Variants in NLGN1 observed in about 807,000 individuals in gnomAD.
NLGN1 encodes the protein neuroligin-1.
In NLGN1, 12 loss-of-function variants were observed where a neutral mutation model predicts 65.5. That is an observed-to-expected ratio of 0.18 (90% CI 0.12 to 0.30). The LOEUF (loss-of-function observed/expected upper bound fraction) is 0.30. NLGN1 is among the 10% of genes least tolerant of loss of function. The pLI is 1.00. For synonymous variants in NLGN1, 350 were observed against 359.5 expected (o/e 0.97, Z 0.30); for missense variants, 750 against 1,007.1 (o/e 0.74, Z 3.46).
chr3:174,131,523 TG>T, intron 4 of NLGN1, among the ~76,000 whole-genome samples: 1 of 152,266 alleles, frequency 6.6e-6, no homozygotes, highest in Non-Finnish European at 1.5e-5. Context: ...GTTTGGAAAA[TG>T]AACCTTATAA....
At chr3:173,441,224 A>G (rs1206059396) in intron 2 of NLGN1, among the ~76,000 whole-genome samples, 1 of 152,140 alleles carries the variant, frequency 6.6e-6, no homozygotes, top group Non-Finnish European at 1.5e-5. Context: ...TATCCAGACT[A>G]CTAAAACTTT....
intron 4 of NLGN1, among the ~76,000 whole-genome samples, chr3:174,042,483 A>C (rs964299405): frequency 2.2e-4 from 34 of 152,092 alleles, no homozygotes; most frequent in African/African-American, 7.7e-4. Context: ...TCTCTATTGC[A>C]TTGCTTTGCC....
chr3:173,938,487 T>G (rs1406917683), intron 4 of NLGN1, among the ~76,000 whole-genome samples: 1 of 152,122 alleles, frequency 6.6e-6, no homozygotes. Flanking sequence ...CCAATAAATG[T>G]ATATTTGTTG....
chr3:173,747,664 G>A (rs1560288907), intron 3 of NLGN1, among the ~76,000 whole-genome samples: 2 of 150,926 alleles, frequency 1.3e-5, no homozygotes, highest in African/African-American at 2.4e-5. Context: ...CTAAGATTGA[G>A]TATTCAAAAA....
At position 173,861,360 on chromosome 3, in the gene NLGN1, TAA is replaced by T. The variant is rs879814820; in HGVS notation, c.646+53536_646+53537del. Among the ~76,000 whole-genome samples, 4 of 149,810 alleles carry T rather than the reference TAA, an allele frequency of 2.7e-5. No individual in the cohort carries two copies. The East Asian group carries it at 7.8e-4, about 29-fold the overall frequency. Reference sequence around the variant, plus strand: ...AATCCTTATGGCAACCACTAGAAATTAAAAAAAAATGATAATAAAGCAAAAGA... The same window carrying T: ...AATCCTTATGGCAACCACTAGAAATTAAAAAAATGATAATAAAGCAAAAGA... On this transcript the variant is annotated intron_variant, in intron 4 of 6. Transcript: ENST00000457714.
intron 4 of NLGN1, among the ~76,000 whole-genome samples, chr3:174,000,659 C>T (rs1723101898): frequency 1.3e-5 from 2 of 152,100 alleles, no homozygotes; most frequent in Admixed American, 1.3e-4. Flanking sequence ...TATAAAGCAT[C>T]AAATGTGAAA....
At chr3:173,856,142 C>T (rs1485055587) in intron 4 of NLGN1, among the ~76,000 whole-genome samples, 1 of 152,096 alleles carries the variant, frequency 6.6e-6, no homozygotes, top group Non-Finnish European at 1.5e-5. Context: ...TGTACAGCTT[C>T]TTCTTTAAGC....
At position 174,116,330 on chromosome 3, in the gene NLGN1, C is replaced by CTTTTTTTT. The variant is rs1168837585; in HGVS notation, c.647-158965_647-158958dup. On this transcript the variant is annotated intron_variant, in intron 4 of 6. Coordinates refer to ENST00000457714, the Ensembl canonical transcript of NLGN1. ...ACATGTAAGTTTTTTTCTGGGTTTT[C>CTTTTTTTT]TTTTTTTTTTTTTTTTTTTTTTTTT... 1.3e-3 allele frequency among the ~76,000 whole-genome samples: 93 copies of CTTTTTTTT among 69,648 alleles called. 19 individuals are homozygous for CTTTTTTTT. The highest frequency in any genetic ancestry group is 3.3e-3 in the East Asian group (7 of 2,152). 45.7% of individuals were successfully genotyped at this position (69,648 alleles called of 152,430 possible). A position where few individuals can be genotyped will look rare whatever the true frequency, so the allele number is the denominator to read the frequency against.
At chr3:173,980,751 C>T (rs1467212378) in intron 4 of NLGN1, among the ~76,000 whole-genome samples, 1 of 151,966 alleles carries the variant, frequency 6.6e-6, no homozygotes, top group Non-Finnish European at 1.5e-5. Context: ...TAGAACAGCA[C>T]CTCTATTTTA....
intron 4 of NLGN1, among the ~76,000 whole-genome samples, chr3:173,948,608 G>T (rs192654847): frequency 1.6e-3 from 250 of 152,300 alleles, no homozygotes; most frequent in African/African-American, 5.6e-3. Flanking sequence ...TAGGACAAAG[G>T]AAGAGGACAC....
At chr3:174,029,260 A>C (rs775893438) in intron 4 of NLGN1, among the ~76,000 whole-genome samples, 1 of 152,278 alleles carries the variant, frequency 6.6e-6, no homozygotes, top group African/African-American at 2.4e-5. Flanking sequence ...CAAAACCACA[A>C]GGGTGGAGCT....
chr3:174,227,174 A>AGT (rs1331670474), intron 4 of NLGN1, among the ~76,000 whole-genome samples: 40 of 152,204 alleles, frequency 2.6e-4, no homozygotes, highest in African/African-American at 9.4e-4. Flanking sequence ...TCAGGTATAA[A>AGT]ACACAAAGCC....
intron 3 of NLGN1, among the ~76,000 whole-genome samples, chr3:173,616,722 A>C (rs1753160046): frequency 1.3e-5 from 2 of 152,056 alleles, no homozygotes; most frequent in Admixed American, 1.3e-4. Context: ...GAGAGCCTCC[A>C]TCATTTCTTG....
chr3:173,515,501 C>T (rs1303818157), intron 2 of NLGN1, among the ~76,000 whole-genome samples: 2 of 152,024 alleles, frequency 1.3e-5, no homozygotes, highest in African/African-American at 4.8e-5. Flanking sequence ...TGTAGTCCCA[C>T]TTGTCTATTT....
At chr3:173,966,847 T>G (rs888407808) in intron 4 of NLGN1, among the ~76,000 whole-genome samples, 1 of 152,208 alleles carries the variant, frequency 6.6e-6, no homozygotes, top group Non-Finnish European at 1.5e-5. Context: ...CAGGATGTAT[T>G]TTGCAAGGTA....
At chr3:173,700,284 G>C (rs1766930771) in intron 3 of NLGN1, among the ~76,000 whole-genome samples, 1 of 152,094 alleles carries the variant, frequency 6.6e-6, no homozygotes, top group South Asian at 2.1e-4. Context: ...AAAAATATAA[G>C]ATAATTTTGA....
rs143353649 is a variant in NLGN1, at chr3:173,472,338, T to C, written c.-321+37260T>C. 3.9e-3 allele frequency among the ~76,000 whole-genome samples: 592 copies of C among 152,270 alleles called. 6 individuals carry two copies. Among genetic ancestry groups the C allele is most frequent in the African/African-American group, 0.013 (552 of 41,564 alleles). ...CTGCCATTTCTATTATTTTTATCCTTAGTCATAATGTCTTTATGAATGATT... is the reference window on the plus strand; with the variant it reads ...CTGCCATTTCTATTATTTTTATCCTCAGTCATAATGTCTTTATGAATGATT... On this transcript the variant is annotated intron_variant, in intron 2 of 6. Transcript: ENST00000457714.
intron 4 of NLGN1, among the ~76,000 whole-genome samples, chr3:174,017,987 C>G (rs563857753): frequency 7.9e-5 from 12 of 152,104 alleles, no homozygotes; most frequent in African/African-American, 2.9e-4. Context: ...TACGGGAGAC[C>G]GGGGCTTATT....
At chr3:174,254,642 A>G (rs1378763401) in intron 4 of NLGN1, among the ~76,000 whole-genome samples, 1 of 152,068 alleles carries the variant, frequency 6.6e-6, no homozygotes, top group Non-Finnish European at 1.5e-5. Flanking sequence ...GATTTTATCT[A>G]CGTAATGTCA....
Sources: gnomAD v4.1 joint callset for allele counts (sites outside exome capture counted in the v4.1 genomes callset) on GRCh38, gnomAD v4.1.1 for gene constraint, MANE v1.5 for transcripts, NCBI Gene and HGNC (gene_info 2026-07-23, HGNC 2026-07-21) for gene names.